Variants in PROM2 observed in about 807,000 individuals in gnomAD.
PROM2 encodes prominin-2.
A neutral mutation model predicts 110.2 loss-of-function variants in PROM2; 90 were observed. The observed-to-expected ratio is 0.82, with a 90% CI of 0.69 to 0.97. PROM2 has a LOEUF of 0.97. Among genes scored for constraint, PROM2 ranks in the 50% least tolerant of loss-of-function variants. PROM2 has a pLI of 0.00. For synonymous variants in PROM2, 470 were observed against 467.8 expected, an observed-to-expected ratio of 1.00 and a Z score of -0.06; for missense variants, 1,009 against 1,074.8, an observed-to-expected ratio of 0.94 and a Z score of 0.86.
At chr2:95,279,181 G>T (rs544481811) in intron 10 of PROM2, 37 bp downstream of exon 10, 3 of 1,302,484 alleles carry the variant, frequency 2.3e-6, no homozygotes, top group South Asian at 1.5e-5. Flanking sequence ...GGTGGGGTGG[G>T]GTGGGCAGCC....
rs772042690 is a variant in PROM2 at position 95,278,021 on chromosome 2, CTGCCTGATTTCTCCCT to C, written c.1050+18_1050+33del. The C allele has an allele frequency of 1.2e-6, 2 of 1,602,722 alleles. No homozygotes were observed. Among genetic ancestry groups the C allele is most frequent in the Non-Finnish European group, 1.7e-6 (2 of 1,174,250 alleles). On this transcript the variant is annotated intron_variant, in intron 8 of 23. Transcript: ENST00000317620. ...GTCCAGGAGGTGAGAGCCACCTGGTCTGCCTGATTTCTCCCTCACCTGCCAAGTGAGGGCCTCTGTT... is the reference window on the plus strand; with the variant it reads ...GTCCAGGAGGTGAGAGCCACCTGGTCCACCTGCCAAGTGAGGGCCTCTGTT...
rs1034044750 is a variant in PROM2 at position 95,289,299 on chromosome 2, C to T, written c.*86C>T. On this transcript the variant is annotated 3_prime_UTR_variant, in exon 24 of 24. Transcript: ENST00000317620. ...CACAGGACTTCGGTAGCTCTTGCCCCAGAGCCCAGGCTGGCATCCAGGCCT... is the reference window on the plus strand; with the variant it reads ...CACAGGACTTCGGTAGCTCTTGCCCTAGAGCCCAGGCTGGCATCCAGGCCT... 9 of 465,584 alleles carry T rather than the reference C, an allele frequency of 1.9e-5. No homozygotes were observed. Among genetic ancestry groups the T allele is most frequent in the African/African-American group, 1.8e-4 (9 of 50,836 alleles). The allele number at this position is 465,584 out of a possible 1,614,324, so 28.8% of individuals were successfully genotyped here. A position where few individuals can be genotyped will look rare whatever the true frequency, so the allele number is the denominator to read the frequency against.
chr2:95,278,178 C>T (rs1431452975), intron 8 of PROM2, 174 bp downstream of exon 8: 1 of 617,800 alleles, frequency 1.6e-6, no homozygotes, highest in Non-Finnish European at 2.9e-6. Flanking sequence ...AATCTGTGCT[C>T]AGATGGGAGA....
chr2:95,287,541 C>T (rs1200287765), intron 20 of PROM2, 77 bp downstream of exon 20: 40 of 1,492,392 alleles, frequency 2.7e-5, no homozygotes, highest in African/African-American at 5.5e-5. Flanking sequence ...GCCCCGCCCC[C>T]GCCCCCGGAG....
rs1261958274 is a variant in PROM2, at chr2:95,277,993, A to G, written c.1039A>G (p.Met347Val). 21 of 1,610,442 alleles carry G rather than the reference A, an allele frequency of 1.3e-5. No individual in the cohort carries two copies. The highest frequency in any genetic ancestry group is 1.8e-5 in the Non-Finnish European group (21 of 1,178,840). The change falls in exon 8 of 24, where the codon ATG (methionine) becomes GTG (valine). Residue 347 changes from methionine (M) to valine (V), a missense_variant. By Grantham distance (21) the Met-to-Val change is conservative (BLOSUM62 1). Coordinates refer to ENST00000317620, the MANE Select transcript of PROM2 (RefSeq NM_001165978.3). Reference protein sequence around the residue: ...KGVPEANFSSMVQEENSTFNA... With the variant: ...KGVPEANFSSVVQEENSTFNA... The stretch of plus-strand genomic sequence containing the variant: ...TGTCCCCGAGGCCAACTTCTCCAGC[A>G]TGGTCCAGGAGGTGAGAGCCACCTG...
chr2:95,285,095 T>C lies in PROM2; in HGVS notation c.1855T>C (p.Tyr619His), dbSNP rs772250110. 8 of 1,582,710 alleles carry C rather than the reference T, an allele frequency of 5.1e-6. No homozygotes were observed. The highest frequency in any genetic ancestry group is 4.6e-5 in the East Asian group (2 of 43,506). ...LQSSGLQRIH[Y>H]PDFLVQIQRP... is the part of the protein sequence containing the mutation. ...GAGCAGTGGGCTTCAGCGCATCCAC[T>C]ACCCCGACTTCCTCGTTCAGGTCAG... is the stretch of plus-strand genomic sequence containing the variant. Residue 619 changes from tyrosine (Y) to histidine (H), a missense_variant, in exon 15 of 24, where the codon TAC becomes CAC. Tyr to His is a moderately conservative substitution (Grantham distance 83, BLOSUM62 2). Transcript: ENST00000317620.
chr2:95,274,729 G>A lies in PROM2; in HGVS notation c.144G>A (p.Arg48=). 1 of 1,612,368 alleles carries A rather than the reference G, an allele frequency of 6.2e-7. No individual in the cohort carries two copies. Residue 48 remains arginine, a synonymous_variant, in exon 1 of 24, where the codon CGG becomes CGA. Transcript: ENST00000317620. ...CATTCACCCCAGCAGCCAGGGCCCG[G>A]TGGCTGGCCCCTCGAGTTCGTGCGC... ...HLTFTPAARA[R]WLAPRVRAPG... is the part of the protein sequence containing the mutation.
chr2:95,287,188 C>T lies in PROM2; in HGVS notation c.2150C>T (p.Ala717Val), dbSNP rs1352809079. The change falls in exon 19 of 24, where the codon GCC (alanine) becomes GTC (valine). Residue 717 changes from alanine (A) to valine (V), a missense_variant. Transcript: ENST00000317620. ...NVTYLKGELPAWAARILRNVS... is the reference protein window; with the variant it reads ...NVTYLKGELPVWAARILRNVS... ...ACCTACCTGAAAGGAGAGCTGCCTG[C>T]CTGGGCAGCCAGGATCCTGAGGAAT... is the stretch of plus-strand genomic sequence containing the variant. The T allele has an allele frequency of 4.3e-6, 7 of 1,613,798 alleles. No homozygotes were observed. In the East Asian group the frequency reaches 6.7e-5, roughly 15 times the overall value.
At chr2:95,286,893 A>G (rs1006021) in intron 18 of PROM2, 36 bp downstream of exon 18, 263,484 of 1,604,462 alleles carry the variant, frequency 0.16, 25,120 homozygotes, top group Admixed American at 0.39. Context: ...GGTGGAGCAC[A>G]GGGGCTGCAG....
rs1239409281 is a variant in PROM2 at position 95,278,996 on chromosome 2, G to C, written c.1126G>C (p.Ala376Pro). The change falls in exon 10 of 24, where the codon GCA becomes CCA. Residue 376 changes from alanine to proline, a missense_variant. Physicochemically the swap from Ala to Pro is conservative, Grantham distance 27. Transcript: ENST00000317620. ...TSSVVQELKK[A>P]VAQQPEGVRT... The stretch of plus-strand genomic sequence containing the variant: ...GTTACTTTGGGCAGAGCTGAAGAAG[G>C]CAGTGGCCCAGCAGCCGGAAGGGGT... 1 of 1,605,974 alleles carries C rather than the reference G, an allele frequency of 6.2e-7. No individual in the cohort carries two copies. The highest frequency in any genetic ancestry group is 1.3e-5 in the African/African-American group (1 of 74,928).
Position 95,281,308 on chromosome 2 carries a change from G to T in PROM2, c.1494G>T (p.Val498=). 1.2e-6 allele frequency: 2 copies of T among 1,613,332 alleles called. No individual in the cohort carries two copies. ...LILLVFATFL[V]GGNVQTLVCQ... is the part of the protein sequence containing the mutation. ...TCCTGGTGTTCGCCACCTTCCTGGT[G>T]GGTGGCAACGTGCAGACGCTGGTGT... The change falls in exon 12 of 24, where the codon GTG becomes GTT. Residue 498 remains valine (V), a synonymous_variant. Transcript: ENST00000317620.
chr2:95,285,248 T>A, intron 15 of PROM2, 133 bp downstream of exon 15: 1 of 1,090,634 alleles, frequency 9.2e-7, no homozygotes, highest in South Asian at 1.7e-5. Flanking sequence ...CCTCTTCCTG[T>A]GGAGGTGTCC....
In PROM2 at chr2:95,276,711, G is replaced by C; in HGVS notation, c.682+54G>C. 1 of 1,586,236 alleles carries C rather than the reference G, an allele frequency of 6.3e-7. No homozygotes were observed. Among genetic ancestry groups the C allele is most frequent in the East Asian group, 2.2e-5 (1 of 44,684 alleles). On this transcript the variant is annotated intron_variant, in intron 5 of 23. Coordinates refer to ENST00000317620, the MANE Select transcript of PROM2 (RefSeq NM_001165978.3). This position sits in a 1 kb window ranked among gnomAD's most constrained non-coding sequence, Gnocchi z 4.6. ...CTGGCTCCTTCCAGGGCCCCTGCTC[G>C]GGTGCCTCGGTGGGGGCCTCTCACT... is the stretch of plus-strand genomic sequence containing the variant.
At chr2:95,285,218 C>A in intron 15 of PROM2, 103 bp downstream of exon 15, 1 of 1,305,470 alleles carries the variant, frequency 7.7e-7, no homozygotes, top group Non-Finnish European at 1.0e-6. Flanking sequence ...CCAGCTCTGG[C>A]TCTTCCACAT....
intron 8 of PROM2, chr2:95,278,367 G>A (rs1488559629): frequency 9.5e-6 from 5 of 527,478 alleles, no homozygotes; most frequent in African/African-American, 3.8e-5. Flanking sequence ...AGCCATGCTG[G>A]GTGGCTGGAG....
Position 95,284,955 on chromosome 2 carries a change from GC to G in PROM2, c.1729-12del, listed in dbSNP as rs1307181232. 1 of 1,606,984 alleles carries G rather than the reference GC, an allele frequency of 6.2e-7. No homozygotes were observed. The highest frequency in any genetic ancestry group is 8.5e-7 in the Non-Finnish European group (1 of 1,176,452). ...CAACTGGGCATGACTCCCACCCTGC[GC>G]CTGCTCTCCCAGTATACCAACAAGC... On this transcript the variant is annotated splice_polypyrimidine_tract_variant and intron_variant, in intron 14 of 23. Coordinates refer to ENST00000317620, the MANE Select transcript of PROM2 (RefSeq NM_001165978.3).
At chr2:95,287,516 T>C (rs1475843909) in intron 20 of PROM2, 52 bp downstream of exon 20, 1 of 1,578,486 alleles carries the variant, frequency 6.3e-7, no homozygotes, top group Non-Finnish European at 8.7e-7. Context: ...TCGGACCAGC[T>C]GTTCACCCTG....
At chr2:95,274,936 C>A (rs1384790993) in intron 1 of PROM2, 107 bp downstream of exon 1, 2 of 1,381,106 alleles carry the variant, frequency 1.4e-6, no homozygotes, top group Admixed American at 2.5e-5. Context: ...CAGGCACTTG[C>A]CATCTTCCTG....
intron 12 of PROM2, 141 bp downstream of exon 12, chr2:95,281,506 GAA>G (rs953887623): frequency 5.3e-6 from 6 of 1,128,632 alleles, no homozygotes; most frequent in Non-Finnish European, 7.4e-6. Context: ...CATGGCCAAG[GAA>G]AGAGACAGAA....
Sources: allele counts gnomAD v4.1 joint callset, GRCh38; gene constraint gnomAD v4.1.1; non-coding constraint Gnocchi (gnomAD v3.1); transcripts MANE v1.5; gene names NCBI Gene and HGNC (gene_info 2026-07-23, HGNC 2026-07-21).